SLC25A12: variants seen among roughly 807,000 people sequenced by gnomAD.
SLC25A12 encodes the protein solute carrier family 25 member 12, also known as electrogenic aspartate/glutamate antiporter SLC25A12, mitochondrial.
SLC25A12 carries 32 observed loss-of-function variants against 83.3 expected under a neutral mutation model. That is an observed-to-expected ratio of 0.38 (90% CI 0.29 to 0.52). SLC25A12 has a LOEUF of 0.52. SLC25A12 is among the 20% of genes least tolerant of loss of function. SLC25A12 has a pLI of 0.84. For missense variants in SLC25A12, 611 were observed against 835.6 expected (o/e 0.73, Z 3.31); for synonymous variants, 267 against 291.1 (o/e 0.92, Z 0.84).
rs1205127054 is a variant in SLC25A12, at chr2:171,810,287, G to C, written c.1172-11C>G. The C allele has an allele frequency of 2.5e-5, 41 of 1,610,694 alleles. No homozygotes were observed. The highest frequency in any genetic ancestry group is 3.3e-5 in the Non-Finnish European group (39 of 1,177,320). Reference sequence around the variant, plus strand: ...GTTGTGGTATCAGACCTAGGTAAAGGGACAGAATCATCAGCAATATAGCTG... The same window carrying C: ...GTTGTGGTATCAGACCTAGGTAAAGCGACAGAATCATCAGCAATATAGCTG... On this transcript the variant is annotated splice_polypyrimidine_tract_variant and intron_variant, in intron 11 of 17. Coordinates refer to ENST00000422440, the MANE Select transcript of SLC25A12 (RefSeq NM_003705.5).
Position 171,784,126 on chromosome 2 carries a change from A to C in SLC25A12, c.*1148T>G, listed in dbSNP as rs1438791430. Among the ~76,000 whole-genome samples the C allele has an allele frequency of 6.6e-6, 1 of 152,228 alleles. No individual in the cohort carries two copies. The highest frequency in any genetic ancestry group is 6.5e-5 in the Admixed American group (1 of 15,280). ...ATCACGCCCTTGATGAGTGACTTTT[A>C]GAACAGTTTGCATTTGGATTCCAAA... On this transcript the variant is annotated 3_prime_UTR_variant, in exon 18 of 18. Coordinates refer to ENST00000422440, the MANE Select transcript of SLC25A12 (RefSeq NM_003705.5).
intron 4 of SLC25A12, among the ~76,000 whole-genome samples, chr2:171,852,123 A>G (rs1684947948): frequency 6.6e-6 from 1 of 152,158 alleles, no homozygotes; most frequent in African/African-American, 2.4e-5. Context: ...GAAACAATTA[A>G]CTAATATTTT....
At chr2:171,866,836 C>A (rs1459678797) in intron 3 of SLC25A12, among the ~76,000 whole-genome samples, 1 of 146,910 alleles carries the variant, frequency 6.8e-6, no homozygotes, top group African/African-American at 2.5e-5. Flanking sequence ...CCCTCCCGGA[C>A]GGGGTGGCTG....
chr2:171,822,316 C>A (rs1162108914), intron 9 of SLC25A12, among the ~76,000 whole-genome samples: 1 of 152,102 alleles, frequency 6.6e-6, no homozygotes, highest in Non-Finnish European at 1.5e-5. Flanking sequence ...AGGTGTCAGG[C>A]TTAATGTAAG....
intron 3 of SLC25A12, among the ~76,000 whole-genome samples, chr2:171,864,739 G>A (rs543607441): frequency 6.6e-6 from 1 of 152,260 alleles, no homozygotes; most frequent in Admixed American, 6.5e-5. Flanking sequence ...CCTCTTCTGT[G>A]ATGCTGTCCT....
At chr2:171,874,142 C>G (rs924957975) in intron 2 of SLC25A12, among the ~76,000 whole-genome samples, 2 of 152,232 alleles carry the variant, frequency 1.3e-5, no homozygotes, top group Non-Finnish European at 2.9e-5. Context: ...AGGAGAGTCG[C>G]TTGAACCCGG....
chr2:171,891,182 T>C (rs1387444018), intron 2 of SLC25A12, among the ~76,000 whole-genome samples: 2 of 151,966 alleles, frequency 1.3e-5, no homozygotes, highest in Non-Finnish European at 2.9e-5. Context: ...GGCACATGCC[T>C]GTAATCCCAG....
intron 3 of SLC25A12, among the ~76,000 whole-genome samples, chr2:171,856,256 A>G (rs1411685179): frequency 6.6e-6 from 1 of 152,156 alleles, no homozygotes; most frequent in African/African-American, 2.4e-5. Context: ...TCTCAACCTC[A>G]GTACTGGTGA....
intron 9 of SLC25A12, among the ~76,000 whole-genome samples, chr2:171,815,615 A>C (rs1684036487): frequency 6.6e-6 from 1 of 152,214 alleles, no homozygotes; most frequent in African/African-American, 2.4e-5. Flanking sequence ...AGCTTTCTAA[A>C]GTGTATAAAA....
chr2:171,848,845 T>C (rs1054152950), intron 4 of SLC25A12, among the ~76,000 whole-genome samples: 1 of 152,222 alleles, frequency 6.6e-6, no homozygotes, highest in African/African-American at 2.4e-5. Context: ...AGAGTAGTCC[T>C]GCTGTCAAAT....
chr2:171,885,506 C>G (rs1184759505), intron 2 of SLC25A12, among the ~76,000 whole-genome samples: 2 of 151,896 alleles, frequency 1.3e-5, no homozygotes, highest in East Asian at 3.9e-4. Context: ...ATGGTGAAAC[C>G]CTGTCTCTAC....
At chr2:171,834,372 G>T in intron 7 of SLC25A12, 1 of 422,100 alleles carries the variant, frequency 2.4e-6, no homozygotes, top group Non-Finnish European at 4.3e-6. Flanking sequence ...AAAAAAGTGG[G>T]TGTTCTCCAG....
At chr2:171,864,155 C>A (rs990563668) in intron 3 of SLC25A12, among the ~76,000 whole-genome samples, 1 of 152,172 alleles carries the variant, frequency 6.6e-6, no homozygotes, top group Non-Finnish European at 1.5e-5. Flanking sequence ...CTGTTTACAT[C>A]TGTGGTAATG....
intron 2 of SLC25A12, among the ~76,000 whole-genome samples, chr2:171,875,910 C>CAAAAAAAAAAAAAAAA: frequency 1.0e-5 from 1 of 99,002 alleles, no homozygotes; most frequent in Non-Finnish European, 1.9e-5. Flanking sequence ...GACTCTGTCT[C>CAAAAAAAAAAAAAAAA]AAAAAAAAAA....
At chr2:171,879,782 T>C (rs1276484217) in intron 2 of SLC25A12, among the ~76,000 whole-genome samples, 1 of 152,218 alleles carries the variant, frequency 6.6e-6, no homozygotes, top group Non-Finnish European at 1.5e-5. Context: ...TTAATGTTGA[T>C]AAGCCTTGAT....
At chr2:171,884,642 G>A (rs1180183445) in intron 2 of SLC25A12, among the ~76,000 whole-genome samples, 2 of 151,814 alleles carry the variant, frequency 1.3e-5, no homozygotes, top group African/African-American at 2.4e-5. Flanking sequence ...AGGTGTGGTG[G>A]TGCACATCTG....
intron 3 of SLC25A12, among the ~76,000 whole-genome samples, chr2:171,857,024 C>A (rs1685060852): frequency 6.6e-6 from 1 of 152,140 alleles, no homozygotes; most frequent in Non-Finnish European, 1.5e-5. Flanking sequence ...GTGATGAATT[C>A]ATAGAATTTA....
At chr2:171,889,027 C>A (rs1343414347) in intron 2 of SLC25A12, among the ~76,000 whole-genome samples, 1 of 152,186 alleles carries the variant, frequency 6.6e-6, no homozygotes, top group East Asian at 1.9e-4. Context: ...TTAATTATAT[C>A]CTTCTTGTGA....
At chr2:171,883,541 C>T (rs1416021952) in intron 2 of SLC25A12, among the ~76,000 whole-genome samples, 3 of 152,204 alleles carry the variant, frequency 2.0e-5, no homozygotes, top group East Asian at 1.9e-4. Context: ...TAGTGGCTCA[C>T]GCCTGTAATC....
Sources: gnomAD v4.1 joint callset for allele counts (sites outside exome capture counted in the v4.1 genomes callset) on GRCh38, gnomAD v4.1.1 for gene constraint, MANE v1.5 for transcripts, NCBI Gene and HGNC (gene_info 2026-07-23, HGNC 2026-07-21) for gene names.